GRM3: variants seen among roughly 807,000 people sequenced by gnomAD.
The protein encoded by GRM3 is glutamate metabotropic receptor 3.
Under a neutral mutation model 70.5 loss-of-function variants are expected in GRM3, and 26 were observed. The ratio of observed to expected loss-of-function variants is 0.37; its 90% CI spans 0.27 to 0.51. GRM3 has a LOEUF of 0.51. Among genes scored for constraint, GRM3 ranks in the 20% least tolerant of loss-of-function variants. The pLI is 0.93. For synonymous variants in GRM3, 443 were observed against 434.9 expected, an observed-to-expected ratio of 1.02 and a Z score of -0.23; for missense variants, 859 against 1,123.8, an observed-to-expected ratio of 0.76 and a Z score of 3.37.
chr7:86,738,153 C>T (rs371099346), intron 1 of GRM3, among the ~76,000 whole-genome samples: 2 of 152,076 alleles, frequency 1.3e-5, no homozygotes, highest in East Asian at 3.9e-4. Context: ...TAGGGATGGA[C>T]AGCAAACAGT....
chr7:86,790,873 C>CA (rs1400334447), intron 3 of GRM3, among the ~76,000 whole-genome samples: 3 of 152,078 alleles, frequency 2.0e-5, no homozygotes, highest in Non-Finnish European at 1.5e-5. Flanking sequence ...CCCCAACCCC[C>CA]ACTACAGATG....
At chr7:86,781,932 T>C (rs955088376) in intron 2 of GRM3, among the ~76,000 whole-genome samples, 1 of 152,136 alleles carries the variant, frequency 6.6e-6, no homozygotes, top group Admixed American at 6.5e-5. Flanking sequence ...CCAAGCAATG[T>C]CACCAATAAC....
chr7:86,770,668 C>G (rs1796717292), intron 2 of GRM3, among the ~76,000 whole-genome samples: 1 of 152,138 alleles, frequency 6.6e-6, no homozygotes, highest in Admixed American at 6.6e-5. Context: ...TTCAATGATT[C>G]ATTCCTCCTT....
intron 1 of GRM3, among the ~76,000 whole-genome samples, chr7:86,696,271 G>A (rs1374022455): frequency 1.3e-5 from 2 of 152,152 alleles, no homozygotes; most frequent in Non-Finnish European, 2.9e-5. Context: ...AGATTATCCC[G>A]CATTATCCAA....
intron 1 of GRM3, among the ~76,000 whole-genome samples, chr7:86,670,630 G>A (rs933377937): frequency 9.9e-5 from 15 of 152,090 alleles, no homozygotes; most frequent in Admixed American, 3.3e-4. Flanking sequence ...TATTACTAGA[G>A]TCTGACTGAT....
At chr7:86,677,969 G>A (rs921269162) in intron 1 of GRM3, among the ~76,000 whole-genome samples, 1 of 151,838 alleles carries the variant, frequency 6.6e-6, no homozygotes, top group South Asian at 2.1e-4. Flanking sequence ...TCCCAAAAAG[G>A]AGACTAGTAA....
At chr7:86,771,605 T>G (rs1796743253) in intron 2 of GRM3, among the ~76,000 whole-genome samples, 1 of 152,020 alleles carries the variant, frequency 6.6e-6, no homozygotes, top group Non-Finnish European at 1.5e-5. Context: ...AGTCTTGACA[T>G]GGAGTAGAGG....
At chr7:86,819,557 C>T (rs941371008) in intron 3 of GRM3, among the ~76,000 whole-genome samples, 2 of 151,982 alleles carry the variant, frequency 1.3e-5, no homozygotes, top group Admixed American at 6.6e-5. Context: ...ATGGAGAGCC[C>T]GAGTTGAAAC....
intron 1 of GRM3, among the ~76,000 whole-genome samples, chr7:86,660,034 T>C (rs1584144960): frequency 1.3e-5 from 2 of 152,084 alleles, no homozygotes; most frequent in East Asian, 3.9e-4. Flanking sequence ...TTTATTCTTT[T>C]ACCTGTCCAT....
At chr7:86,769,244 G>A (rs1251214825) in intron 2 of GRM3, among the ~76,000 whole-genome samples, 2 of 152,084 alleles carry the variant, frequency 1.3e-5, no homozygotes, top group African/African-American at 4.8e-5. Flanking sequence ...TCCTGCATAT[G>A]TACTGGAAAT....
intron 2 of GRM3, among the ~76,000 whole-genome samples, chr7:86,769,605 G>A (rs930373927): frequency 1.3e-5 from 2 of 152,230 alleles, no homozygotes; most frequent in Admixed American, 6.6e-5. Flanking sequence ...AGGCAGCATA[G>A]GAGATATGCC....
intron 3 of GRM3, among the ~76,000 whole-genome samples, chr7:86,792,876 G>C (rs186238148): frequency 6.6e-6 from 1 of 152,270 alleles, no homozygotes; most frequent in Admixed American, 6.5e-5. Context: ...TACTCCCAGG[G>C]CTTCACTTAT....
At chr7:86,853,223 G>T (rs1798785757) in intron 5 of GRM3, among the ~76,000 whole-genome samples, 1 of 152,088 alleles carries the variant, frequency 6.6e-6, no homozygotes, top group African/African-American at 2.4e-5. Flanking sequence ...ATGTAATAAA[G>T]GTAAGGCATA....
At chr7:86,845,062 G>C (rs1305915300) in intron 4 of GRM3, among the ~76,000 whole-genome samples, 1 of 152,038 alleles carries the variant, frequency 6.6e-6, no homozygotes, top group African/African-American at 2.4e-5. Flanking sequence ...GCTAATTTTT[G>C]TATTTTTAGT....
intron 3 of GRM3, among the ~76,000 whole-genome samples, chr7:86,805,103 GA>G (rs1439217647): frequency 6.6e-6 from 1 of 152,058 alleles, no homozygotes; most frequent in Non-Finnish European, 1.5e-5. Flanking sequence ...CACAGAGTGA[GA>G]CCTTATCTCC....
At chr7:86,741,283 G>C (rs1023994793) in intron 1 of GRM3, among the ~76,000 whole-genome samples, 1 of 152,086 alleles carries the variant, frequency 6.6e-6, no homozygotes, top group Non-Finnish European at 1.5e-5. Context: ...TTCCAGTGGC[G>C]GTGGGCCGGA....
At chr7:86,807,878 G>A (rs934367536) in intron 3 of GRM3, among the ~76,000 whole-genome samples, 4 of 152,080 alleles carry the variant, frequency 2.6e-5, no homozygotes, top group African/African-American at 7.2e-5. Flanking sequence ...ATTGGCTATG[G>A]GTTTGTCATA....
At chr7:86,780,857 G>T (rs1036358652) in intron 2 of GRM3, among the ~76,000 whole-genome samples, 1 of 152,136 alleles carries the variant, frequency 6.6e-6, no homozygotes, top group African/African-American at 2.4e-5. Context: ...AGGGATGATT[G>T]GTCATGATCC....
intron 3 of GRM3, among the ~76,000 whole-genome samples, chr7:86,819,870 A>C (rs79500271): frequency 1.6e-3 from 239 of 152,294 alleles, no homozygotes; most frequent in African/African-American, 5.7e-3. Context: ...TGAGAATAGA[A>C]GTTGGATATG....
Sources: gnomAD v4.1 joint callset for allele counts (sites outside exome capture counted in the v4.1 genomes callset) on GRCh38, gnomAD v4.1.1 for gene constraint, MANE v1.5 for transcripts, NCBI Gene and HGNC (gene_info 2026-07-23, HGNC 2026-07-21) for gene names.